Variants in LDLRAD4 observed in about 807,000 individuals in gnomAD.
The protein encoded by LDLRAD4 is low-density lipoprotein receptor class A domain-containing protein 4.
A neutral mutation model predicts 17.0 loss-of-function variants in LDLRAD4; 5 were observed. That is an observed-to-expected ratio of 0.29 (90% CI 0.15 to 0.62). The LOEUF is 0.62. LDLRAD4 is among the 20% of genes least tolerant of loss of function. LDLRAD4 has a pLI of 0.84. For missense variants in LDLRAD4, 340 were observed against 424.7 expected (o/e 0.80, Z 1.75); for synonymous variants, 168 against 171.8 (o/e 0.98, Z 0.17).
At chr18:13,420,933 A>T (rs982246332) in intron 2 of LDLRAD4, 2 of 152,272 alleles carry the variant, frequency 1.3e-5, no homozygotes, top group Non-Finnish European at 2.9e-5. Context: ...GACTTAGTTC[A>T]GCAAGGTGCC....
At chr18:13,365,029 A>G (rs1035869887) in intron 1 of LDLRAD4, among the ~76,000 whole-genome samples, 1 of 152,194 alleles carries the variant, frequency 6.6e-6, no homozygotes, top group Non-Finnish European at 1.5e-5. Context: ...TGTGCAGTAC[A>G]AGTAACTAAA....
At chr18:13,391,036 G>C (rs1293861753) in intron 2 of LDLRAD4, among the ~76,000 whole-genome samples, 1 of 152,210 alleles carries the variant, frequency 6.6e-6, no homozygotes, top group Non-Finnish European at 1.5e-5. Context: ...GCGCTCAGGA[G>C]TCCGGTGCCC....
At chr18:13,247,986 A>T (rs1265095346) in intron 1 of LDLRAD4, among the ~76,000 whole-genome samples, 1 of 139,760 alleles carries the variant, frequency 7.2e-6, no homozygotes, top group Non-Finnish European at 1.5e-5. Context: ...TTAAAGACAG[A>T]GTCTCCCTCT....
At chr18:13,526,473 GTC>G (rs1601103576) in intron 3 of LDLRAD4, 1 of 152,304 alleles carries the variant, frequency 6.6e-6, no homozygotes, top group South Asian at 2.1e-4. Context: ...CAATTAAAAA[GTC>G]TCTCACATTT....
intron 3 of LDLRAD4, among the ~76,000 whole-genome samples, chr18:13,618,897 G>C (rs2148790054): frequency 6.6e-6 from 1 of 152,344 alleles, no homozygotes; most frequent in South Asian, 2.1e-4. Flanking sequence ...GTCCTGAGCG[G>C]AGTCTCTCTG....
chr18:13,467,267 G>C (rs2092648996), intron 3 of LDLRAD4, among the ~76,000 whole-genome samples: 1 of 152,132 alleles, frequency 6.6e-6, no homozygotes. Flanking sequence ...CCACAAGAAA[G>C]CTACTAGAAC....
At chr18:13,296,777 A>G (rs1027346599) in intron 1 of LDLRAD4, among the ~76,000 whole-genome samples, 18 of 152,194 alleles carry the variant, frequency 1.2e-4, no homozygotes, top group Admixed American at 2.6e-4. Flanking sequence ...TTCTGCCACT[A>G]TTTTCACACA....
intron 3 of LDLRAD4, among the ~76,000 whole-genome samples, chr18:13,566,746 C>T (rs971547031): frequency 6.6e-6 from 1 of 152,196 alleles, no homozygotes; most frequent in African/African-American, 2.4e-5. Flanking sequence ...GGCTTTATGT[C>T]TTTATCCTTG....
intron 3 of LDLRAD4, among the ~76,000 whole-genome samples, chr18:13,609,954 C>T (rs2039334831): frequency 6.6e-6 from 1 of 152,096 alleles, no homozygotes; most frequent in Non-Finnish European, 1.5e-5. Context: ...TGCACTCTAG[C>T]CTGGGCGACA....
intron 1 of LDLRAD4, among the ~76,000 whole-genome samples, chr18:13,312,213 T>TC (rs1411090842): frequency 1.3e-5 from 2 of 152,190 alleles, no homozygotes; most frequent in Non-Finnish European, 2.9e-5. Context: ...AGTTTAAACT[T>TC]CATTTCATGC....
rs1568019358 is a variant in LDLRAD4, at chr18:13,334,852, A to G, written c.-382-52489A>G. Among the ~76,000 whole-genome samples the G allele has an allele frequency of 2.0e-5, 3 of 152,330 alleles. No individual in the cohort carries two copies. In the East Asian group the frequency reaches 5.8e-4, roughly 29 times the overall value. On this transcript the variant is annotated intron_variant, in intron 1 of 5. Coordinates refer to ENST00000359446, the Ensembl canonical transcript of LDLRAD4. ...GGTTTTTTGTAGATGTTGTTTATCA[A>G]GTTGAGGAAGTTCCCCTCAACGATT... is the stretch of plus-strand genomic sequence containing the variant.
chr18:13,600,410 T>G (rs2095147759), intron 3 of LDLRAD4, among the ~76,000 whole-genome samples: 1 of 152,178 alleles, frequency 6.6e-6, no homozygotes, highest in South Asian at 2.1e-4. Context: ...GCTGTGTGAC[T>G]CAAGATGTCA....
rs1327700750 is a variant in LDLRAD4 at position 13,558,091 on chromosome 18, T to C, written c.182-63026T>C. Among the ~76,000 whole-genome samples, 5 of 152,222 alleles carry C rather than the reference T, an allele frequency of 3.3e-5. No homozygotes were observed. In the South Asian group the frequency reaches 6.2e-4, roughly 19 times the overall value. ...TGCCTATTGATTGCACTGTTGTCAGTTTCTAAGCAACCATTGCCAAATTTA... is the reference window on the plus strand; with the variant it reads ...TGCCTATTGATTGCACTGTTGTCAGCTTCTAAGCAACCATTGCCAAATTTA... On this transcript the variant is annotated intron_variant, in intron 3 of 5. Coordinates refer to ENST00000359446, the Ensembl canonical transcript of LDLRAD4.
intron 1 of LDLRAD4, among the ~76,000 whole-genome samples, chr18:13,372,139 C>T (rs759469119): frequency 8.5e-5 from 13 of 152,220 alleles, no homozygotes; most frequent in Non-Finnish European, 1.8e-4. Flanking sequence ...GATCTATTGT[C>T]GAATTCACCA....
Position 13,645,262 on chromosome 18 carries a change from G to C in LDLRAD4, c.526G>C (p.Asp176His). 1 of 1,614,148 alleles carries C rather than the reference G, an allele frequency of 6.2e-7. No individual in the cohort carries two copies. Among genetic ancestry groups the C allele is most frequent in the Non-Finnish European group, 8.5e-7 (1 of 1,180,020 alleles). The change falls in exon 6 of 6, where the codon GAC becomes CAC. Residue 176 changes from aspartate (D) to histidine (H), a missense_variant. By Grantham distance (81) the Asp-to-His change is moderately conservative. Transcript: ENST00000359446. The surrounding 1 kb of genome is among the most constrained non-coding windows in gnomAD (Gnocchi z 5.7). ...TCTTCCTCCCACCATCTCCCTGTCC[G>C]ACGGTGAAGAGCCACCTCCTTACCA...
intron 1 of LDLRAD4, among the ~76,000 whole-genome samples, chr18:13,263,282 G>A (rs2145995276): frequency 6.6e-6 from 1 of 151,352 alleles, no homozygotes; most frequent in East Asian, 2.0e-4. Flanking sequence ...GGCTCTGTGT[G>A]TGGGGGCTGA....
intron 1 of LDLRAD4, among the ~76,000 whole-genome samples, chr18:13,295,728 A>G (rs2046235078): frequency 6.6e-6 from 1 of 152,262 alleles, no homozygotes; most frequent in African/African-American, 2.4e-5. Flanking sequence ...AAGAAATAGC[A>G]TAGCTGCTGT....
chr18:13,611,771 A>C, intron 3 of LDLRAD4: 1 of 985,518 alleles, frequency 1.0e-6, no homozygotes, highest in Non-Finnish European at 1.2e-6. Flanking sequence ...TGAATGGGAG[A>C]GCCAAGAGGG....
chr18:13,380,643 T>C (rs2085287513), intron 1 of LDLRAD4, among the ~76,000 whole-genome samples: 1 of 152,250 alleles, frequency 6.6e-6, no homozygotes, highest in Non-Finnish European at 1.5e-5. Flanking sequence ...GGTTTGAATA[T>C]AGCCTCAGGA....
Sources: gnomAD v4.1 joint callset for allele counts (sites outside exome capture counted in the v4.1 genomes callset) on GRCh38, gnomAD v4.1.1 for gene constraint, Gnocchi (gnomAD v3.1) non-coding constraint, MANE v1.5 for transcripts, NCBI Gene and HGNC (gene_info 2026-07-23, HGNC 2026-07-21) for gene names.